GRM8: variants seen among roughly 807,000 people sequenced by gnomAD.
The protein encoded by GRM8 is glutamate metabotropic receptor 8, also known as metabotropic glutamate receptor 8.
In GRM8, 47 loss-of-function variants were observed where a neutral mutation model predicts 87.2. The ratio of observed to expected loss-of-function variants is 0.54; its 90% CI spans 0.43 to 0.69. The LOEUF (loss-of-function observed/expected upper bound fraction) is 0.69, where lower values mean the gene tolerates loss of function less well. Among genes scored for constraint, GRM8 ranks in the 30% least tolerant of loss-of-function variants. The pLI is 0.00. For synonymous variants in GRM8, 396 were observed against 404.5 expected (o/e 0.98, Z 0.25); for missense variants, 1,019 against 1,139.2 (o/e 0.89, Z 1.52).
At chr7:126,650,539 G>T (rs1047613936) in intron 7 of GRM8, among the ~76,000 whole-genome samples, 1 of 152,108 alleles carries the variant, frequency 6.6e-6, no homozygotes, top group Non-Finnish European at 1.5e-5. Context: ...AGGAGAAATG[G>T]CCAGATGTGT....
chr7:127,229,023 T>C (rs1197044384), intron 2 of GRM8: 1 of 152,208 alleles, frequency 6.6e-6, no homozygotes, highest in East Asian at 1.9e-4. Context: ...CACTACAATA[T>C]TTTAGATCAG....
At chr7:127,012,151 A>C (rs1464897638) in intron 3 of GRM8, among the ~76,000 whole-genome samples, 1 of 152,164 alleles carries the variant, frequency 6.6e-6, no homozygotes, top group Non-Finnish European at 1.5e-5. Flanking sequence ...CCTCTGCAGA[A>C]AATGAAAAAA....
rs1281652310 is a variant in GRM8 at position 126,532,995 on chromosome 7, G to T, written c.2387C>A (p.Ala796Asp). The change falls in exon 9 of 11, where the codon GCT becomes GAT. Residue 796 changes from alanine to aspartate, a missense_variant. Physicochemically the swap from Ala to Asp is moderately radical, Grantham distance 126. Coordinates refer to ENST00000339582, the MANE Select transcript of GRM8 (RefSeq NM_000845.3). ...TMYTTCIIWLAFIPIFFGTAQ... is the reference protein window; with the variant it reads ...TMYTTCIIWLDFIPIFFGTAQ... ...TGTACCAAAAAAGATGGGGATGAAA[G>T]CTAACCAAATGATGCAGGTGGTATA... The T allele has an allele frequency of 1.1e-5, 17 of 1,613,184 alleles. No homozygotes were observed. The highest frequency in any genetic ancestry group is 1.4e-5 in the Non-Finnish European group (17 of 1,179,644).
intron 7 of GRM8, among the ~76,000 whole-genome samples, chr7:126,695,317 T>C (rs1809261881): frequency 6.6e-6 from 1 of 152,164 alleles, no homozygotes; most frequent in Non-Finnish European, 1.5e-5. Context: ...CCAAGAACTG[T>C]ATAATGTACT....
chr7:126,647,293 G>GGATA (rs58263801), intron 7 of GRM8, among the ~76,000 whole-genome samples: 5,881 of 143,042 alleles, frequency 0.041, 143 homozygotes, highest in East Asian at 0.073. Context: ...ATAAATAGAT[G>GGATA]GATAGATAGA....
chr7:127,001,070 G>A (rs181867659), intron 3 of GRM8, among the ~76,000 whole-genome samples: 2 of 151,698 alleles, frequency 1.3e-5, no homozygotes, highest in African/African-American at 4.8e-5. Context: ...GGTGTTAACC[G>A]TAGATGTATT....
intron 3 of GRM8, among the ~76,000 whole-genome samples, chr7:126,956,381 T>C (rs974509975): frequency 6.6e-6 from 1 of 152,222 alleles, no homozygotes; most frequent in Non-Finnish European, 1.5e-5. Flanking sequence ...TAACCAAGCC[T>C]ATCTCACCAG....
chr7:126,982,656 C>T (rs1177127495), intron 3 of GRM8, among the ~76,000 whole-genome samples: 1 of 150,924 alleles, frequency 6.6e-6, no homozygotes, highest in African/African-American at 2.4e-5. Flanking sequence ...TTTCTTAGTA[C>T]AAGTGTGTAC....
chr7:127,015,131 G>GAGAAGGA lies in GRM8; in HGVS notation c.727+91358_727+91364dup, dbSNP rs761354324. Among the ~76,000 whole-genome samples the GAGAAGGA allele has an allele frequency of 3.3e-3, 421 of 128,918 alleles. 23 individuals carry two copies. The highest frequency in any genetic ancestry group is 0.013 in the East Asian group (50 of 3,836). The allele number at this position is 128,918 out of a possible 152,430, so 84.6% of individuals were successfully genotyped here. ...AAGGAAGAAGGAGAAGAAGGAGAAG[G>GAGAAGGA]AGAAGGAAGAAGGAAGAAGGAAGAA... On this transcript the variant is annotated intron_variant, in intron 3 of 10. Transcript: ENST00000339582.
At chr7:126,587,983 T>C (rs1408251037) in intron 8 of GRM8, among the ~76,000 whole-genome samples, 2 of 151,792 alleles carry the variant, frequency 1.3e-5, no homozygotes, top group African/African-American at 4.8e-5. Context: ...TTATATAGCA[T>C]ATGACAACTG....
intron 2 of GRM8, among the ~76,000 whole-genome samples, chr7:127,136,084 T>G (rs934778515): frequency 6.6e-6 from 1 of 152,160 alleles, no homozygotes; most frequent in African/African-American, 2.4e-5. Context: ...TATGAAGCAC[T>G]TTCACTAACA....
At chr7:127,238,119 A>C (rs1798080083) in intron 2 of GRM8, among the ~76,000 whole-genome samples, 1 of 152,134 alleles carries the variant, frequency 6.6e-6, no homozygotes, top group African/African-American at 2.4e-5. Flanking sequence ...GCAGTACAAA[A>C]GCCCCTGAGG....
chr7:126,765,039 A>G (rs1288956375), intron 7 of GRM8, among the ~76,000 whole-genome samples: 2 of 152,104 alleles, frequency 1.3e-5, no homozygotes, highest in African/African-American at 4.8e-5. Context: ...CCTCCTGTAC[A>G]CTGATAATCT....
intron 7 of GRM8, among the ~76,000 whole-genome samples, chr7:126,657,654 G>A (rs930108468): frequency 6.6e-6 from 1 of 152,220 alleles, no homozygotes; most frequent in Non-Finnish European, 1.5e-5. Context: ...GGAAGAAAGT[G>A]TTTGCCTAAA....
intron 2 of GRM8, 95 bp downstream of exon 2, chr7:127,242,600 C>T (rs1798371910): frequency 8.1e-7 from 1 of 1,231,322 alleles, no homozygotes; most frequent in Admixed American, 2.0e-5. Flanking sequence ...CTATGAGCAC[C>T]TTCACCATCT....
chr7:126,667,666 T>C (rs1282236829), intron 7 of GRM8, among the ~76,000 whole-genome samples: 2 of 152,176 alleles, frequency 1.3e-5, no homozygotes, highest in East Asian at 1.9e-4. Flanking sequence ...AAAAGAATGA[T>C]GTAGGCTGGT....
intron 6 of GRM8, among the ~76,000 whole-genome samples, chr7:126,837,429 C>A (rs1382947440): frequency 1.3e-5 from 2 of 152,174 alleles, no homozygotes; most frequent in South Asian, 2.1e-4. Context: ...TATGCCTTGA[C>A]AACTGTATGA....
At chr7:127,032,868 T>C (rs1018308245) in intron 3 of GRM8, among the ~76,000 whole-genome samples, 1 of 152,088 alleles carries the variant, frequency 6.6e-6, no homozygotes, top group Admixed American at 6.6e-5. Flanking sequence ...TTGTTGTTAT[T>C]TCTACTAAAT....
intron 7 of GRM8, among the ~76,000 whole-genome samples, chr7:126,622,318 T>A (rs1298243212): frequency 2.0e-5 from 3 of 152,140 alleles, no homozygotes; most frequent in Admixed American, 6.5e-5. Flanking sequence ...TGCAATCCTA[T>A]CACACTTTCC....
Sources: gnomAD v4.1 joint callset for allele counts (sites outside exome capture counted in the v4.1 genomes callset) on GRCh38, gnomAD v4.1.1 for gene constraint, MANE v1.5 for transcripts, NCBI Gene and HGNC (gene_info 2026-07-23, HGNC 2026-07-21) for gene names.